ADGRV1: variants seen among roughly 807,000 people sequenced by gnomAD.
ADGRV1 encodes the protein adhesion G protein-coupled receptor V1.
ADGRV1 carries 359 observed loss-of-function variants against 596.2 expected under a neutral mutation model. The ratio of observed to expected loss-of-function variants is 0.60; its 90% CI spans 0.55 to 0.66. The LOEUF is 0.66. Among genes scored for constraint, ADGRV1 ranks in the 30% least tolerant of loss-of-function variants. The pLI is 0.00. For missense variants in ADGRV1, 7,274 were observed against 7,575.6 expected (o/e 0.96, Z 1.48); for synonymous variants, 2,681 against 2,679.2 (o/e 1.00, Z -0.02).
At chr5:90,879,311 A>G (rs1028550710) in intron 83 of ADGRV1, among the ~76,000 whole-genome samples, 6 of 152,210 alleles carry the variant, frequency 3.9e-5, no homozygotes, top group African/African-American at 1.2e-4. Flanking sequence ...AGCAATCCAT[A>G]TGCACATTTT....
chr5:90,911,644 T>C (rs560729296), intron 83 of ADGRV1, among the ~76,000 whole-genome samples: 4 of 152,326 alleles, frequency 2.6e-5, no homozygotes, highest in Middle Eastern at 3.4e-3. Flanking sequence ...TTTTTCATGT[T>C]AGTGGTTTTA....
At chr5:90,616,928 C>G (rs766661043) in intron 2 of ADGRV1, among the ~76,000 whole-genome samples, 43 of 152,216 alleles carry the variant, frequency 2.8e-4, no homozygotes, top group Non-Finnish European at 4.9e-4. Context: ...CACCATTCTA[C>G]TCTCTACCTC....
At chr5:91,119,289 T>C (rs1401744544) in intron 87 of ADGRV1, among the ~76,000 whole-genome samples, 12 of 152,186 alleles carry the variant, frequency 7.9e-5, no homozygotes, top group Non-Finnish European at 1.8e-4. Context: ...TGGCAGGTGC[T>C]GTGAGGAATC....
At chr5:91,105,130 A>T (rs1474089925) in intron 87 of ADGRV1, among the ~76,000 whole-genome samples, 1 of 151,988 alleles carries the variant, frequency 6.6e-6, no homozygotes, top group Non-Finnish European at 1.5e-5. Context: ...TGGCCTCCCA[A>T]AGTGCTGGGA....
intron 43 of ADGRV1, among the ~76,000 whole-genome samples, chr5:90,719,007 A>G (rs112724505): frequency 0.033 from 4,993 of 152,266 alleles, 302 homozygotes; most frequent in African/African-American, 0.11. Context: ...GTAAAGATAT[A>G]TATATACATA....
intron 11 of ADGRV1, among the ~76,000 whole-genome samples, chr5:90,639,861 A>T (rs756382882): frequency 2.6e-5 from 4 of 152,178 alleles, no homozygotes; most frequent in Non-Finnish European, 4.4e-5. Context: ...AGCAAGCATG[A>T]TTACAATAAA....
intron 87 of ADGRV1, among the ~76,000 whole-genome samples, chr5:91,137,474 A>G (rs1255718801): frequency 2.0e-5 from 3 of 152,188 alleles, no homozygotes; most frequent in Non-Finnish European, 2.9e-5. Flanking sequence ...TATGCCTCGT[A>G]TTTTAACTGA....
chr5:90,627,648 T>A lies in ADGRV1; in HGVS notation c.1110T>A (p.Asp370Glu). The A allele has an allele frequency of 6.2e-7, 1 of 1,613,914 alleles. No individual in the cohort carries two copies. Among genetic ancestry groups the A allele is most frequent in the South Asian group, 1.1e-5 (1 of 91,086 alleles). Residue 370 changes from aspartate (D) to glutamate (E), a missense_variant, in exon 7 of 90, where the codon GAT becomes GAA. Physicochemically the swap from Asp to Glu is conservative, Grantham distance 45 (BLOSUM62 2). Coordinates refer to ENST00000405460, the MANE Select transcript of ADGRV1 (RefSeq NM_032119.4). Reference protein sequence around the residue: ...IMLLKDTLQGDAVLISPSVVQ... With the variant: ...IMLLKDTLQGEAVLISPSVVQ... ...TACTAAAAGATACCTTACAGGGAGA[T>A]GCTGTGCTAATAAGCCCTTCTGTTG...
At chr5:90,975,386 A>G (rs1779468543) in intron 84 of ADGRV1, among the ~76,000 whole-genome samples, 1 of 152,218 alleles carries the variant, frequency 6.6e-6, no homozygotes. Context: ...ATGCTGCTAT[A>G]AAGACACATG....
In ADGRV1 at chr5:90,692,788, T is replaced by C; in HGVS notation, c.7133+2T>C. ...TGCTAATATAACTGTCAGGCGAAGG[T>C]ATATGAGATAGCTACTTGCCTCTGT... On this transcript the variant is annotated splice_donor_variant, in intron 32 of 89. Transcript: ENST00000405460. LOFTEE classifies it high-confidence loss of function. 1 of 1,580,506 alleles carries C rather than the reference T, an allele frequency of 6.3e-7. No individual in the cohort carries two copies. The highest frequency in any genetic ancestry group is 8.6e-7 in the Non-Finnish European group (1 of 1,164,372).
At chr5:90,694,735 C>A (rs778397918) in intron 33 of ADGRV1, 34 bp downstream of exon 33, 3 of 1,496,942 alleles carry the variant, frequency 2.0e-6, no homozygotes, top group Non-Finnish European at 2.7e-6. Context: ...TTCCGTTGCC[C>A]CAGTAAAGTC....
chr5:90,915,619 A>G (rs1003406187), intron 83 of ADGRV1, among the ~76,000 whole-genome samples: 1 of 152,184 alleles, frequency 6.6e-6, no homozygotes, highest in African/African-American at 2.4e-5. Flanking sequence ...AAAGTAAAAA[A>G]TACACATCAA....
At chr5:90,741,039 G>A (rs978808880) in intron 50 of ADGRV1, among the ~76,000 whole-genome samples, 4 of 152,146 alleles carry the variant, frequency 2.6e-5, no homozygotes, top group African/African-American at 9.7e-5. Context: ...AAACGGTGGA[G>A]CCAGAGAGTT....
chr5:90,760,444 G>A lies in ADGRV1; in HGVS notation c.12120+856G>A, dbSNP rs546109369. Among the ~76,000 whole-genome samples, 5 of 152,242 alleles carry A rather than the reference G, an allele frequency of 3.3e-5. No individual in the cohort carries two copies. The East Asian group carries it at 9.7e-4, about 29-fold the overall frequency. ...TATCAGGAAATTACAAAGGGGAACA[G>A]ATTCCTATTTATTGGCTGTAGTAGA... On this transcript the variant is annotated intron_variant, in intron 58 of 89. Transcript: ENST00000405460.
At position 90,801,237 on chromosome 5, in the gene ADGRV1, C is replaced by T. The variant is rs529024978; in HGVS notation, c.14518-1502C>T. Among the ~76,000 whole-genome samples, 4 of 152,078 alleles carry T rather than the reference C, an allele frequency of 2.6e-5. No individual in the cohort carries two copies. The South Asian group carries it at 8.3e-4, about 32-fold the overall frequency. On this transcript the variant is annotated intron_variant, in intron 70 of 89. Coordinates refer to ENST00000405460, the MANE Select transcript of ADGRV1 (RefSeq NM_032119.4). ...CTCTTTTCTTCTGTAGGTGAACCAG[C>T]TTTTCCTCAAATCTGCTCTAACTCA... is the stretch of plus-strand genomic sequence containing the variant.
At chr5:90,669,604 C>G (rs1772132465) in intron 21 of ADGRV1, among the ~76,000 whole-genome samples, 2 of 152,116 alleles carry the variant, frequency 1.3e-5, no homozygotes, top group Non-Finnish European at 2.9e-5. Context: ...AGAAGGATTG[C>G]AGCTTGTGTG....
chr5:90,860,313 T>A (rs1428783170), intron 82 of ADGRV1, among the ~76,000 whole-genome samples: 2 of 152,064 alleles, frequency 1.3e-5, no homozygotes, highest in Non-Finnish European at 2.9e-5. Flanking sequence ...AATCTTTTTT[T>A]TTTTGAGACG....
Position 90,723,352 on chromosome 5 carries a change from A to C in ADGRV1, c.9749-1480A>C, listed in dbSNP as rs190906425. 2.0e-5 allele frequency among the ~76,000 whole-genome samples: 3 copies of C among 152,234 alleles called. No individual in the cohort carries two copies. In the East Asian group the frequency reaches 5.8e-4, roughly 29 times the overall value. On this transcript the variant is annotated intron_variant, in intron 45 of 89. Transcript: ENST00000405460. ...GAGAAATGTTAAATATTTAGAAGAA[A>C]AAGGAGATAATTAATAGTGGTATGG...
At position 91,142,312 on chromosome 5, in the gene ADGRV1, C is replaced by T. The variant is rs139414237; in HGVS notation, c.18433-7718C>T. ...AATAAAACAGTGAACTGGACATGGT[C>T]TCTTACTTTCTAGGAGGTTACAGCT... On this transcript the variant is annotated intron_variant, in intron 87 of 89. Coordinates refer to ENST00000405460, the MANE Select transcript of ADGRV1 (RefSeq NM_032119.4). 3.3e-5 allele frequency among the ~76,000 whole-genome samples: 5 copies of T among 152,248 alleles called. No individual in the cohort carries two copies. The East Asian group carries it at 7.7e-4, about 23-fold the overall frequency.
Sources: allele counts gnomAD v4.1 joint callset (sites outside exome capture counted in the v4.1 genomes callset), GRCh38; gene constraint gnomAD v4.1.1; transcripts MANE v1.5; gene names NCBI Gene and HGNC (gene_info 2026-07-23, HGNC 2026-07-21).